NFIB: variants seen among roughly 807,000 people sequenced by gnomAD.
The protein encoded by NFIB is nuclear factor I B, also known as nuclear factor 1 B-type.
A neutral mutation model predicts 61.5 loss-of-function variants in NFIB; 11 were observed. The ratio of observed to expected loss-of-function variants is 0.18; its 90% CI spans 0.11 to 0.30. NFIB has a LOEUF of 0.30. Among genes scored for constraint, NFIB ranks in the 10% least tolerant of loss-of-function variants. NFIB has a pLI of 1.00. For synonymous variants in NFIB, 260 were observed against 216.5 expected, an observed-to-expected ratio of 1.20 and a Z score of -1.76; for missense variants, 471 against 608.9, an observed-to-expected ratio of 0.77 and a Z score of 2.38.
chr9:14,109,960 A>G (rs1358021378), intron 10 of NFIB, among the ~76,000 whole-genome samples: 4 of 152,122 alleles, frequency 2.6e-5, no homozygotes, highest in Non-Finnish European at 4.4e-5. Context: ...ACAAAGATGT[A>G]TAATTACTAA....
At chr9:14,530,372 A>G in the NFIB span, among the ~76,000 whole-genome samples, 1 of 152,022 alleles carries the variant, frequency 6.6e-6, no homozygotes, top group Non-Finnish European at 1.5e-5. Flanking sequence ...TGTAAAATCT[A>G]TTTCATCAGG....
chr9:14,430,957 G>A, the NFIB span, among the ~76,000 whole-genome samples: 1 of 152,262 alleles, frequency 6.6e-6, no homozygotes, highest in South Asian at 2.1e-4. Context: ...GATGTTTCAT[G>A]AACAGGTATT....
At chr9:14,137,244 A>G (rs2041161225) in intron 6 of NFIB, among the ~76,000 whole-genome samples, 1 of 152,160 alleles carries the variant, frequency 6.6e-6, no homozygotes, top group Admixed American at 6.5e-5. Context: ...TAATAACTCA[A>G]TCTCTATCAA....
At chr9:14,426,920 A>C in the NFIB span, among the ~76,000 whole-genome samples, 1 of 152,188 alleles carries the variant, frequency 6.6e-6, no homozygotes, top group East Asian at 1.9e-4. Context: ...GATCCAGCAG[A>C]AATATGAAGA....
chr9:14,181,635 C>T (rs1335681466), intron 2 of NFIB, among the ~76,000 whole-genome samples: 1 of 152,190 alleles, frequency 6.6e-6, no homozygotes, highest in Non-Finnish European at 1.5e-5. Flanking sequence ...CTATTTTTAC[C>T]TTGAGTTCCT....
Position 14,189,929 on chromosome 9 carries a change from AT to A in NFIB, c.563-10150del, listed in dbSNP as rs933993125. Among the ~76,000 whole-genome samples the A allele has an allele frequency of 8.3e-4, 126 of 152,058 alleles. 1 individual carries two copies. Among genetic ancestry groups the A allele is most frequent in the Non-Finnish European group, 4.4e-4 (30 of 68,014 alleles). On this transcript the variant is annotated intron_variant, in intron 2 of 10. Coordinates refer to ENST00000380953, the MANE Select transcript of NFIB (RefSeq NM_001190737.2). ...CAGTTTTTGATTATTATCTACACAT[AT>A]TCTAATTTTTAAGTTTCTACAACCT...
intron 1 of NFIB, among the ~76,000 whole-genome samples, chr9:14,364,046 A>G (rs940164686): frequency 2.6e-5 from 4 of 152,194 alleles, no homozygotes; most frequent in African/African-American, 9.6e-5. Flanking sequence ...GAGCAGTTGT[A>G]GAGTCTTTCT....
chr9:14,496,030 G>C, the NFIB span, among the ~76,000 whole-genome samples: 3 of 152,140 alleles, frequency 2.0e-5, no homozygotes, highest in Non-Finnish European at 4.4e-5. Flanking sequence ...GGGCTGTTGT[G>C]AGATATAAAT....
At chr9:14,287,614 G>A (rs1329413692) in intron 2 of NFIB, among the ~76,000 whole-genome samples, 6 of 151,620 alleles carry the variant, frequency 4.0e-5, no homozygotes, top group Non-Finnish European at 5.9e-5. Flanking sequence ...TAGTAGAGAC[G>A]GGGTTTCACC....
chr9:14,499,909 T>C, the NFIB span, among the ~76,000 whole-genome samples: 7 of 152,300 alleles, frequency 4.6e-5, no homozygotes, highest in East Asian at 7.7e-4. Context: ...AAGAGCACAA[T>C]TGCATTTTAC....
At chr9:14,287,239 G>T (rs1298208895) in intron 2 of NFIB, among the ~76,000 whole-genome samples, 2 of 151,244 alleles carry the variant, frequency 1.3e-5, no homozygotes, top group African/African-American at 2.5e-5. Flanking sequence ...AGACCATCCT[G>T]GCTAACACGG....
intron 2 of NFIB, among the ~76,000 whole-genome samples, chr9:14,232,609 G>T (rs1417803344): frequency 6.6e-6 from 1 of 152,204 alleles, no homozygotes; most frequent in Non-Finnish European, 1.5e-5. Context: ...AAGTCTGGAA[G>T]TCCATTTTAA....
At chr9:14,501,694 C>A in the NFIB span, among the ~76,000 whole-genome samples, 1 of 152,170 alleles carries the variant, frequency 6.6e-6, no homozygotes, top group Non-Finnish European at 1.5e-5. Flanking sequence ...GGATTTGCCC[C>A]AATGCTTCTG....
At chr9:14,394,598 C>T (rs1351552620) in intron 1 of NFIB, among the ~76,000 whole-genome samples, 3 of 152,176 alleles carry the variant, frequency 2.0e-5, no homozygotes, top group Non-Finnish European at 2.9e-5. Flanking sequence ...TCAATTATCT[C>T]CACCTGGCCC....
intron 6 of NFIB, among the ~76,000 whole-genome samples, chr9:14,140,170 T>G (rs908183638): frequency 1.3e-5 from 2 of 152,196 alleles, no homozygotes; most frequent in African/African-American, 4.8e-5. Context: ...TTCTATTTGG[T>G]CCCCAAAGAG....
chr9:14,462,699 C>A, the NFIB span, among the ~76,000 whole-genome samples: 1 of 152,152 alleles, frequency 6.6e-6, no homozygotes, highest in Non-Finnish European at 1.5e-5. Context: ...GTTAAAGTGA[C>A]TATCAATTGG....
intron 2 of NFIB, among the ~76,000 whole-genome samples, chr9:14,303,604 C>G (rs1362898224): frequency 6.6e-6 from 1 of 152,212 alleles, no homozygotes; most frequent in African/African-American, 2.4e-5. Context: ...AAGCAAGCAG[C>G]TTTCATTCAG....
the NFIB span, among the ~76,000 whole-genome samples, chr9:14,496,006 A>G: frequency 6.6e-6 from 1 of 152,200 alleles, no homozygotes; most frequent in South Asian, 2.1e-4. Flanking sequence ...GGGAATAATA[A>G]AAGCTACCTC....
chr9:14,110,920 T>C (rs1478800447), intron 10 of NFIB, among the ~76,000 whole-genome samples: 1 of 152,112 alleles, frequency 6.6e-6, no homozygotes, highest in Non-Finnish European at 1.5e-5. Flanking sequence ...AACTCTTTCA[T>C]TACATAGAGG....
Sources: allele counts gnomAD v4.1 joint callset (sites outside exome capture counted in the v4.1 genomes callset), GRCh38; gene constraint gnomAD v4.1.1; transcripts MANE v1.5; gene names NCBI Gene and HGNC (gene_info 2026-07-23, HGNC 2026-07-21).